The following GSE1 variants were observed in gnomAD, a reference collection of about 807,000 sequenced individuals.
The protein encoded by GSE1 is genetic suppressor element 1.
GSE1 carries 32 observed loss-of-function variants against 112.6 expected under a neutral mutation model. The observed-to-expected ratio is 0.28, with a 90% confidence interval of 0.21 to 0.38. The LOEUF (loss-of-function observed/expected upper bound fraction) is 0.38. GSE1 is among the 10% of genes least tolerant of loss of function. The pLI is 1.00. For synonymous variants in GSE1, 1,115 were observed against 735.6 expected (o/e 1.52, Z -8.35); for missense variants, 2,348 against 1,699.2 (o/e 1.38, Z -6.71).
At chr16:85,426,177 TGTATA>T (rs1402674789) in intron 2 of GSE1, among the ~76,000 whole-genome samples, 1 of 134,802 alleles carries the variant, frequency 7.4e-6, no homozygotes, top group African/African-American at 2.8e-5. Context: ...GGTGGATGGA[TGTATA>T]GTGGATAGAT....
intron 2 of GSE1, among the ~76,000 whole-genome samples, chr16:85,514,324 C>T (rs964957854): frequency 1.3e-5 from 2 of 149,898 alleles, no homozygotes; most frequent in Non-Finnish European, 2.9e-5. Context: ...TCCCTGGAAA[C>T]ACCTCTGCAC....
chr16:85,549,784 G>A (rs2044838588), intron 2 of GSE1, among the ~76,000 whole-genome samples: 1 of 152,222 alleles, frequency 6.6e-6, no homozygotes, highest in Admixed American at 6.5e-5. Context: ...AAGAGGGTGT[G>A]TCCTCTCCTT....
At chr16:85,337,671 T>C (rs13337380) in intron 1 of GSE1, among the ~76,000 whole-genome samples, 25,671 of 152,198 alleles carry the variant, frequency 0.17, 2,548 homozygotes, top group East Asian at 0.36. Flanking sequence ...GCCAGTCACC[T>C]GGGCTGCACA....
chr16:85,196,800 G>T (rs2074936430), intron 1 of GSE1, among the ~76,000 whole-genome samples: 1 of 151,998 alleles, frequency 6.6e-6, no homozygotes, highest in Non-Finnish European at 1.5e-5. Flanking sequence ...GGGCCTGCCG[G>T]AATTTTCATT....
At chr16:85,339,491 C>T (rs919052160) in intron 1 of GSE1, among the ~76,000 whole-genome samples, 2 of 152,066 alleles carry the variant, frequency 1.3e-5, no homozygotes, top group African/African-American at 4.8e-5. Context: ...TCCACCCCAA[C>T]TGGGACTCAC....
rs1318638159 is a variant in GSE1 at position 85,673,919 on chromosome 16, A to C, written c.*1380A>C. The C allele has an allele frequency of 6.6e-6, 1 of 152,070 alleles. No homozygotes were observed. The highest frequency in any genetic ancestry group is 2.4e-5 in the African/African-American group (1 of 41,284). The allele number at this position is 152,070 out of a possible 1,614,324, so 9.4% of individuals were successfully genotyped here. On this transcript the variant is annotated 3_prime_UTR_variant, in exon 16 of 16. Coordinates refer to ENST00000253458, the MANE Select transcript of GSE1 (RefSeq NM_014615.5). ...TTGTTTAAACGCAAAGCTTTGTAAAAGCCACAAGGTCTGAGCTGAACCCCT... is the reference window on the plus strand; with the variant it reads ...TTGTTTAAACGCAAAGCTTTGTAAACGCCACAAGGTCTGAGCTGAACCCCT...
chr16:85,447,536 A>G (rs1191508292), intron 2 of GSE1, among the ~76,000 whole-genome samples: 2 of 152,212 alleles, frequency 1.3e-5, no homozygotes, highest in African/African-American at 4.8e-5. Flanking sequence ...GGTGCTCAGC[A>G]CATACCAGCT....
chr16:85,356,388 C>T (rs577336980), intron 1 of GSE1, among the ~76,000 whole-genome samples: 127 of 152,360 alleles, frequency 8.3e-4, no homozygotes, highest in African/African-American at 2.6e-3. Flanking sequence ...GGGCAGCACC[C>T]GGGGAGGGAC....
intron 1 of GSE1, among the ~76,000 whole-genome samples, chr16:85,327,552 G>A (rs2046251315): frequency 6.6e-6 from 1 of 152,154 alleles, no homozygotes; most frequent in Admixed American, 6.5e-5. Flanking sequence ...GCAGTGAGCT[G>A]AGATCGCACC....
chr16:85,237,053 C>T (rs999096329), intron 1 of GSE1, among the ~76,000 whole-genome samples: 1 of 152,240 alleles, frequency 6.6e-6, no homozygotes, highest in Non-Finnish European at 1.5e-5. Context: ...GGGCTGGGCG[C>T]CGTGGCTCAT....
chr16:85,199,985 C>A (rs376260377), intron 1 of GSE1, among the ~76,000 whole-genome samples: 5 of 152,238 alleles, frequency 3.3e-5, no homozygotes, highest in East Asian at 3.9e-4. Context: ...GCCACCAGCC[C>A]CTGCCTGACT....
At chr16:85,471,355 G>A (rs1346110958) in intron 2 of GSE1, among the ~76,000 whole-genome samples, 2 of 152,190 alleles carry the variant, frequency 1.3e-5, no homozygotes, top group Non-Finnish European at 2.9e-5. Flanking sequence ...AGTAAATGTT[G>A]GTTGCATGGT....
chr16:85,445,753 C>T (rs1342411137), intron 2 of GSE1, among the ~76,000 whole-genome samples: 3 of 152,306 alleles, frequency 2.0e-5, no homozygotes, highest in Admixed American at 1.3e-4. Flanking sequence ...TCCCCCCAGC[C>T]GCCCTGGTGG....
intron 1 of GSE1, among the ~76,000 whole-genome samples, chr16:85,615,309 G>A (rs906095791): frequency 3.3e-5 from 5 of 152,230 alleles, no homozygotes; most frequent in African/African-American, 1.2e-4. Context: ...ATTCAGGAGC[G>A]CTGGAAGAGG....
chr16:85,482,795 T>C (rs1203616656), intron 2 of GSE1, among the ~76,000 whole-genome samples: 2 of 152,128 alleles, frequency 1.3e-5, no homozygotes, highest in East Asian at 3.9e-4. Context: ...CTGACCAACA[T>C]GGCGAAACCC....
At chr16:85,586,317 T>A (rs1318614593) in intron 1 of GSE1, among the ~76,000 whole-genome samples, 1 of 152,232 alleles carries the variant, frequency 6.6e-6, no homozygotes, top group African/African-American at 2.4e-5. Context: ...GTTTAGCCCA[T>A]GACATAGGTG....
At chr16:85,629,848 G>C (rs747793615) in intron 1 of GSE1, among the ~76,000 whole-genome samples, 2 of 152,208 alleles carry the variant, frequency 1.3e-5, no homozygotes, top group Admixed American at 6.5e-5. Context: ...AGAGGGTGTG[G>C]TGATGCTGAC....
intron 2 of GSE1, among the ~76,000 whole-genome samples, chr16:85,646,865 G>C (rs867783111): frequency 7.1e-4 from 105 of 148,882 alleles, no homozygotes; most frequent in African/African-American, 2.2e-3. Flanking sequence ...CTCTGGTCTC[G>C]GTCACGGGGG....
At chr16:85,230,801 G>C (rs1270494538) in intron 1 of GSE1, among the ~76,000 whole-genome samples, 1 of 152,166 alleles carries the variant, frequency 6.6e-6, no homozygotes, top group African/African-American at 2.4e-5. Context: ...AAATGGAAAA[G>C]TTCCTTACTA....
Sources: gnomAD v4.1 joint callset for allele counts (sites outside exome capture counted in the v4.1 genomes callset) on GRCh38, gnomAD v4.1.1 for gene constraint, MANE v1.5 for transcripts, NCBI Gene and HGNC (gene_info 2026-07-23, HGNC 2026-07-21) for gene names.